The following PAM16 variants were observed in gnomAD, a reference collection of about 807,000 sequenced individuals.
The protein encoded by PAM16 is mitochondrial import inner membrane translocase subunit TIM16.
A neutral mutation model predicts 17.9 loss-of-function variants in PAM16; 11 were observed. The ratio of observed to expected loss-of-function variants is 0.62; its 90% CI spans 0.39 to 1.02. The LOEUF (loss-of-function observed/expected upper bound fraction) is 1.02. Among genes scored for constraint, PAM16 ranks in the 50% least tolerant of loss-of-function variants. The pLI is 0.01. For synonymous variants in PAM16, 72 were observed against 67.4 expected, an observed-to-expected ratio of 1.07 and a Z score of -0.34; for missense variants, 199 against 165.4, an observed-to-expected ratio of 1.20 and a Z score of -1.11.
chr16:4,346,379 G>A (rs750431654), intron 1 of PAM16, among the ~76,000 whole-genome samples: 6 of 152,234 alleles, frequency 3.9e-5, no homozygotes, highest in Non-Finnish European at 5.9e-5. Context: ...CCTGTCAAAT[G>A]CCTGGCACAC....
chr16:4,346,012 G>A (rs1026875391), intron 1 of PAM16: 32 of 978,548 alleles, frequency 3.3e-5, no homozygotes, highest in Non-Finnish European at 3.5e-5. Flanking sequence ...AATGACTGTT[G>A]CAAAATAATG....
At chr16:4,343,328 C>T (rs372711852) in intron 1 of PAM16, 37 bp from the exon 2 acceptor site, 15 of 1,568,030 alleles carry the variant, frequency 9.6e-6, no homozygotes, top group Admixed American at 1.9e-5. Flanking sequence ...GCAGGCCACT[C>T]CCTGTGGGCC....
chr16:4,351,301 G>C lies in PAM16; in HGVS notation c.-67C>G, dbSNP rs762259105. 8.3e-6 allele frequency: 11 copies of C among 1,321,300 alleles called. No homozygotes were observed. The highest frequency in any genetic ancestry group is 1.0e-5 in the Non-Finnish European group (10 of 997,120). 81.8% of individuals were successfully genotyped at this position (1,321,300 alleles called of 1,614,324 possible). ...GCCCCGCGGCCGGGGATCAAGCGTG[G>C]TCGGCGGGTCAGAGGTCAAGGAAAG... On this transcript the variant is annotated 5_prime_UTR_variant, in exon 1 of 5. Transcript: ENST00000318059.
intron 1 of PAM16, 48 bp downstream of exon 1, chr16:4,351,184 G>A (rs746585825): frequency 8.2e-7 from 1 of 1,221,848 alleles, no homozygotes; most frequent in East Asian, 3.2e-5. Context: ...CCCGGCCCCC[G>A]GCCCGACTCG....
intron 1 of PAM16, among the ~76,000 whole-genome samples, chr16:4,344,912 G>A (rs921811782): frequency 5.3e-5 from 8 of 151,864 alleles, no homozygotes; most frequent in African/African-American, 1.9e-4. Context: ...AATCATGATG[G>A]AAATACTAGG....
At chr16:4,343,900 G>C (rs2053690881) in intron 1 of PAM16, 3 of 397,838 alleles carry the variant, frequency 7.5e-6, no homozygotes, top group Non-Finnish European at 1.3e-5. Context: ...GGGAGAGTCA[G>C]GCTCGTTCAT....
At chr16:4,346,725 T>G (rs770548363) in intron 1 of PAM16, 8 of 152,192 alleles carry the variant, frequency 5.3e-5, no homozygotes, top group Non-Finnish European at 1.2e-4. Context: ...TTTTATTTTT[T>G]ATTTATTTTT....
intron 2 of PAM16, among the ~76,000 whole-genome samples, chr16:4,341,852 G>A (rs766961976): frequency 5.9e-5 from 9 of 152,264 alleles, no homozygotes; most frequent in East Asian, 1.9e-4. Flanking sequence ...GTGGGGCTGC[G>A]GGCATGAGAG....
intron 4 of PAM16, among the ~76,000 whole-genome samples, chr16:4,340,687 A>G (rs78320503): frequency 0.026 from 3,994 of 152,178 alleles, 71 homozygotes; most frequent in Middle Eastern, 0.051. Flanking sequence ...GCTGGGAGGG[A>G]GGGCTCTATC....
chr16:4,341,310 C>T (rs2141141134), intron 3 of PAM16, 58 bp downstream of exon 3: 2 of 1,533,720 alleles, frequency 1.3e-6, no homozygotes, highest in African/African-American at 1.4e-5. Flanking sequence ...CCTCCCTTCA[C>T]TCTTCCCACC....
chr16:4,340,872 A>C (rs73507245), intron 4 of PAM16, 48 bp downstream of exon 4: 6 of 1,609,014 alleles, frequency 3.7e-6, no homozygotes, highest in Non-Finnish European at 4.3e-6. Context: ...CCAGGTGAGA[A>C]GAAGGGGTCC....
At chr16:4,350,813 C>G (rs1228676087) in intron 1 of PAM16, 1 of 168,300 alleles carries the variant, frequency 5.9e-6, no homozygotes, top group East Asian at 1.6e-4. Context: ...TGTCTCGGGG[C>G]CTAGTTCAAG....
At chr16:4,347,994 C>T (rs1168773751) in intron 1 of PAM16, 1 of 152,276 alleles carries the variant, frequency 6.6e-6, no homozygotes, top group Non-Finnish European at 1.5e-5. Context: ...CTTACACTGA[C>T]TTGTGTCTTT....
chr16:4,345,036 C>A (rs756862100), intron 1 of PAM16, among the ~76,000 whole-genome samples: 2 of 151,834 alleles, frequency 1.3e-5, no homozygotes, highest in Non-Finnish European at 2.9e-5. Flanking sequence ...GGGAATCTGG[C>A]GGATGACATG....
chr16:4,350,668 G>A (rs2053837246), intron 1 of PAM16, among the ~76,000 whole-genome samples: 1 of 152,156 alleles, frequency 6.6e-6, no homozygotes, highest in African/African-American at 2.4e-5. Context: ...CCAGAGTGCT[G>A]GGATTACAGG....
intron 3 of PAM16, 25 bp downstream of exon 3, chr16:4,341,343 C>G (rs756719559): frequency 6.4e-7 from 1 of 1,556,342 alleles, no homozygotes; most frequent in South Asian, 1.2e-5. Context: ...CCCTCTCAAA[C>G]TTTGGGGTGG....
chr16:4,341,691 A>C lies in PAM16; in HGVS notation c.89-187T>G, dbSNP rs113156714. 3.6e-4 allele frequency: 350 copies of C among 967,704 alleles called. 3 individuals are homozygous for C. The African/African-American group carries it at 5.2e-3, about 14-fold the overall frequency. 59.9% of individuals were successfully genotyped at this position (967,704 alleles called of 1,614,324 possible). A position where few individuals can be genotyped will look rare whatever the true frequency, so the allele number is the denominator to read the frequency against. ...GTAGAGGCTGGGAAAGTGAGGACAG[A>C]CGTGCCTCACTGGAGGGTAAGGGCA... On this transcript the variant is annotated intron_variant, in intron 2 of 4. Coordinates refer to ENST00000318059, the MANE Select transcript of PAM16 (RefSeq NM_016069.11).
intron 1 of PAM16, among the ~76,000 whole-genome samples, chr16:4,346,172 G>A (rs537012988): frequency 1.3e-5 from 2 of 152,336 alleles, no homozygotes; most frequent in South Asian, 4.1e-4. Flanking sequence ...AGACTGGACG[G>A]CCCATTGAGG....
chr16:4,343,986 C>G, intron 1 of PAM16: 1 of 398,146 alleles, frequency 2.5e-6, no homozygotes, highest in Non-Finnish European at 4.4e-6. Flanking sequence ...GAGCACAAAG[C>G]TACACAGAAC....
Sources: gnomAD v4.1 joint callset for allele counts (sites outside exome capture counted in the v4.1 genomes callset) on GRCh38, gnomAD v4.1.1 for gene constraint, MANE v1.5 for transcripts, NCBI Gene and HGNC (gene_info 2026-07-23, HGNC 2026-07-21) for gene names.